The following PCDHA5 variants were observed in gnomAD, a reference collection of about 807,000 sequenced individuals.
PCDHA5 encodes the protein protocadherin alpha-5.
Under a neutral mutation model 61.6 loss-of-function variants are expected in PCDHA5, and 43 were observed. That is an observed-to-expected ratio of 0.70 (90% CI 0.55 to 0.90). The LOEUF (loss-of-function observed/expected upper bound fraction) is 0.90, where lower values mean the gene tolerates loss of function less well. Among genes scored for constraint, PCDHA5 ranks in the 40% least tolerant of loss-of-function variants. The pLI, the probability that PCDHA5 is intolerant of heterozygous loss-of-function variation, is 0.00. For missense variants in PCDHA5, 1,298 were observed against 1,222.7 expected (o/e 1.06, Z -0.92); for synonymous variants, 627 against 543.9 (o/e 1.15, Z -2.13).
At position 140,884,460 on chromosome 5, in the gene PCDHA5, C is replaced by T. The variant is rs782410675; in HGVS notation, c.2352+60333C>T. ...TGCTCGGCACCGCCCACCGAGGGCG[C>T]GTGCGCGCCGGGCAAGCCCACTCTA... On this transcript the variant is annotated intron_variant, in intron 1 of 3. Coordinates refer to ENST00000529859, the MANE Select transcript of PCDHA5 (RefSeq NM_018908.3). The T allele has an allele frequency of 2.5e-6, 4 of 1,613,730 alleles. No homozygotes were observed. The highest frequency in any genetic ancestry group is 3.3e-5 in the Admixed American group (2 of 59,998).
At chr5:140,898,864 A>C (rs1401711928) in intron 1 of PCDHA5, among the ~76,000 whole-genome samples, 3 of 149,656 alleles carry the variant, frequency 2.0e-5, no homozygotes, top group African/African-American at 7.5e-5. Flanking sequence ...CTTTTATTTC[A>C]TTGAGCAGTG....
At position 140,821,702 on chromosome 5, in the gene PCDHA5, T is replaced by A; in HGVS notation, c.-74T>A. The A allele has an allele frequency of 7.0e-7, 1 of 1,423,086 alleles. No homozygotes were observed. Among genetic ancestry groups the A allele is most frequent in the Admixed American group, 2.2e-5 (1 of 44,472 alleles). The allele number at this position is 1,423,086 out of a possible 1,614,324, so 88.2% of individuals were successfully genotyped here. A position where few individuals can be genotyped will look rare whatever the true frequency, so the allele number is the denominator to read the frequency against. ...GGCGATAATATAAAAAATATATAGT[T>A]AATTGGGAATTGAATTTACAAAATA... On this transcript the variant is annotated 5_prime_UTR_variant, in exon 1 of 4. Coordinates refer to ENST00000529859, the MANE Select transcript of PCDHA5 (RefSeq NM_018908.3).
rs2150169612 is a variant in PCDHA5 at position 140,829,534 on chromosome 5, C to G, written c.2352+5407C>G. 279 of 1,613,194 alleles carry G rather than the reference C, an allele frequency of 1.7e-4. No homozygotes were observed. The highest frequency in any genetic ancestry group is 2.3e-4 in the Non-Finnish European group (267 of 1,179,876). On this transcript the variant is annotated intron_variant, in intron 1 of 3. Coordinates refer to ENST00000529859, the MANE Select transcript of PCDHA5 (RefSeq NM_018908.3). The stretch of plus-strand genomic sequence containing the variant: ...ACATCTTCACGGTGTCTGCGCGAGA[C>G]GCGGACGCGCAGGAGAACGCGCTGG...
chr5:140,962,171 G>T (rs1218733161), intron 1 of PCDHA5, among the ~76,000 whole-genome samples: 1 of 151,902 alleles, frequency 6.6e-6, no homozygotes, highest in Admixed American at 6.6e-5. Flanking sequence ...CACCACACCC[G>T]GCCACTTATA....
intron 1 of PCDHA5, among the ~76,000 whole-genome samples, chr5:140,901,260 T>C (rs1554189701): frequency 6.6e-6 from 1 of 152,308 alleles, no homozygotes; most frequent in East Asian, 1.9e-4. Flanking sequence ...CCTGTGATTG[T>C]GGGGTATTAC....
intron 1 of PCDHA5, chr5:140,967,572 A>T (rs782502082): frequency 4.3e-6 from 7 of 1,613,544 alleles, no homozygotes; most frequent in Middle Eastern, 3.3e-4. Flanking sequence ...CTACGGGAGG[A>T]CTCACCCCCA....
At chr5:140,882,931 G>A in intron 1 of PCDHA5, 1 of 1,614,206 alleles carries the variant, frequency 6.2e-7, no homozygotes. Context: ...GTAAACCCGA[G>A]CTGACTGGCA....
chr5:140,869,445 G>T, intron 1 of PCDHA5: 2 of 1,614,232 alleles, frequency 1.2e-6, no homozygotes, highest in Non-Finnish European at 1.7e-6. Flanking sequence ...ACAGGCCGCT[G>T]CAGGTTTTCC....
At chr5:140,939,603 C>T (rs1158258856) in intron 1 of PCDHA5, among the ~76,000 whole-genome samples, 1 of 152,068 alleles carries the variant, frequency 6.6e-6, no homozygotes, top group Non-Finnish European at 1.5e-5. Flanking sequence ...TGCTCAAAAA[C>T]AGAACAAGGA....
At chr5:140,870,992 T>C (rs782714479) in intron 1 of PCDHA5, 1 of 1,613,478 alleles carries the variant, frequency 6.2e-7, no homozygotes, top group South Asian at 1.1e-5. Context: ...ACGGGCGAGA[T>C]AAGCACAACG....
intron 1 of PCDHA5, chr5:140,871,036 C>T: frequency 6.2e-7 from 1 of 1,613,274 alleles, no homozygotes; most frequent in Non-Finnish European, 8.5e-7. Context: ...GCCGCGCCAC[C>T]GACTTCTAGT....
At chr5:140,955,965 T>C (rs2095242955) in intron 1 of PCDHA5, among the ~76,000 whole-genome samples, 1 of 152,204 alleles carries the variant, frequency 6.6e-6, no homozygotes, top group Admixed American at 6.5e-5. Context: ...TGTTTGTGCA[T>C]AGGAATGCTA....
intron 1 of PCDHA5, among the ~76,000 whole-genome samples, chr5:140,889,615 T>C (rs1261276866): frequency 6.6e-6 from 1 of 152,184 alleles, no homozygotes; most frequent in Non-Finnish European, 1.5e-5. Flanking sequence ...ATTATACTGA[T>C]TCATTTCTCT....
At chr5:140,829,239 G>A (rs2150164534) in intron 1 of PCDHA5, 2 of 1,614,238 alleles carry the variant, frequency 1.2e-6, no homozygotes, top group East Asian at 2.2e-5. Context: ...GGTGCCAACG[G>A]GCAGGTGAAC....
At chr5:140,829,918 T>A in intron 1 of PCDHA5, 1 of 1,613,992 alleles carries the variant, frequency 6.2e-7, no homozygotes, top group Non-Finnish European at 8.5e-7. Context: ...GGCTTTCGTA[T>A]GAGCTGCAGC....
chr5:140,822,126 T>C lies in PCDHA5; in HGVS notation c.351T>C (p.His117=), dbSNP rs2150113855. Reference sequence around the variant, plus strand: ...TGGACAGGCCGCTGCAGGTTTTCCATGTGGAGGTGGCAGTGAAGGACATCA... The same window carrying C: ...TGGACAGGCCGCTGCAGGTTTTCCACGTGGAGGTGGCAGTGAAGGACATCA... ...VIVDRPLQVF[H]VEVAVKDIND... is the part of the protein sequence containing the mutation. Residue 117 remains histidine (H), a synonymous_variant, in exon 1 of 4, where the codon CAT becomes CAC. Coordinates refer to ENST00000529859, the MANE Select transcript of PCDHA5 (RefSeq NM_018908.3). 9 of 1,614,204 alleles carry C rather than the reference T, an allele frequency of 5.6e-6. No individual in the cohort carries two copies. Among genetic ancestry groups the C allele is most frequent in the Non-Finnish European group, 6.8e-6 (8 of 1,180,038 alleles).
At chr5:140,880,241 C>A (rs529552139) in intron 1 of PCDHA5, among the ~76,000 whole-genome samples, 1 of 150,190 alleles carries the variant, frequency 6.7e-6, no homozygotes, top group African/African-American at 2.5e-5. Flanking sequence ...AGTGTATGTG[C>A]GTGTGTGTAT....
At chr5:140,840,962 C>T (rs188711112) in intron 1 of PCDHA5, among the ~76,000 whole-genome samples, 3 of 152,096 alleles carry the variant, frequency 2.0e-5, no homozygotes, top group African/African-American at 7.2e-5. Flanking sequence ...AAATTCCTTT[C>T]CTTATGAAGA....
At chr5:140,838,851 G>A (rs1275085955) in intron 1 of PCDHA5, among the ~76,000 whole-genome samples, 1 of 151,804 alleles carries the variant, frequency 6.6e-6, no homozygotes, top group African/African-American at 2.4e-5. Context: ...AAGCCAGGGA[G>A]GTCCAAGCTG....
Sources: allele counts gnomAD v4.1 joint callset (sites outside exome capture counted in the v4.1 genomes callset), GRCh38; gene constraint gnomAD v4.1.1; transcripts MANE v1.5; gene names NCBI Gene and HGNC (gene_info 2026-07-23, HGNC 2026-07-21).